The following SUMO2 variants were observed in gnomAD, a reference collection of about 807,000 sequenced individuals.
The protein encoded by SUMO2 is small ubiquitin like modifier 2.
A neutral mutation model predicts 16.0 loss-of-function variants in SUMO2; 1 was observed. That is an observed-to-expected ratio of 0.06 (90% CI 0.02 to 0.30). The LOEUF (loss-of-function observed/expected upper bound fraction) is 0.30, where lower values mean the gene tolerates loss of function less well. Ranked by LOEUF, SUMO2 falls within the 10% of genes least tolerant of loss-of-function variation. SUMO2 has a pLI of 1.00. For synonymous variants in SUMO2, 36 were observed against 40.6 expected (o/e 0.89, Z 0.43); for missense variants, 16 against 117.5 (o/e 0.14, Z 3.99).
intron 3 of SUMO2, among the ~76,000 whole-genome samples, chr17:75,169,874 G>GGA: frequency 6.7e-6 from 1 of 148,404 alleles, no homozygotes; most frequent in South Asian, 2.2e-4. Flanking sequence ...GGTGGGGGGG[G>GGA]GCGGGTGTGG....
At chr17:75,169,169 C>A (rs551500158) in intron 3 of SUMO2, among the ~76,000 whole-genome samples, 1 of 151,982 alleles carries the variant, frequency 6.6e-6, no homozygotes, top group East Asian at 1.9e-4. Context: ...AAGATCAAGG[C>A]TGCAGTGAAC....
At position 75,167,713 on chromosome 17, in the gene SUMO2, A is replaced by G. The variant is rs118066102; in HGVS notation, c.*626T>C. On this transcript the variant is annotated 3_prime_UTR_variant, in exon 4 of 4. Transcript: ENST00000420826. ...CTCAATTTTCTATTTAATATTTCTCAGAATAAAGAAAACAGCTCATTTTAA... is the reference window on the plus strand; with the variant it reads ...CTCAATTTTCTATTTAATATTTCTCGGAATAAAGAAAACAGCTCATTTTAA... 2,399 of 152,818 alleles carry G rather than the reference A, an allele frequency of 0.016. 29 individuals carry two copies. Among genetic ancestry groups the G allele is most frequent in the Non-Finnish European group, 0.026 (1,794 of 68,026 alleles). 9.5% of individuals were successfully genotyped at this position (152,818 alleles called of 1,614,324 possible). A position where few individuals can be genotyped will look rare whatever the true frequency, so the allele number is the denominator to read the frequency against.
intron 3 of SUMO2, among the ~76,000 whole-genome samples, chr17:75,169,376 TA>T (rs200495495): frequency 5.3e-5 from 8 of 150,912 alleles, no homozygotes; most frequent in African/African-American, 2.0e-4. Context: ...CCATCCCTAT[TA>T]AAAAAAAATT....
chr17:75,180,415 A>AAAAAAAACAAAAAAC (rs2074819548), intron 2 of SUMO2, among the ~76,000 whole-genome samples: 1 of 145,182 alleles, frequency 6.9e-6, no homozygotes, highest in African/African-American at 2.5e-5. Context: ...AAAAAAAAAA[A>AAAAAAAACAAAAAAC]AAAAAACGAC....
In SUMO2 at chr17:75,167,761, A is replaced by G. The variant is rs771405975; in HGVS notation, c.*578T>C. 3.2e-5 allele frequency: 5 copies of G among 153,946 alleles called. No homozygotes were observed. Among genetic ancestry groups the G allele is most frequent in the Non-Finnish European group, 7.3e-5 (5 of 68,048 alleles). 9.5% of individuals were successfully genotyped at this position (153,946 alleles called of 1,614,324 possible). On this transcript the variant is annotated 3_prime_UTR_variant, in exon 4 of 4. Coordinates refer to ENST00000420826, the MANE Select transcript of SUMO2 (RefSeq NM_006937.4). ...TAAACAAGAAGTTTATTTAAACAAC[A>G]AGACGCTTGACTTGAAGGGAAAACT... is the stretch of plus-strand genomic sequence containing the variant.
At chr17:75,177,512 G>A (rs973755824) in intron 2 of SUMO2, among the ~76,000 whole-genome samples, 1 of 151,732 alleles carries the variant, frequency 6.6e-6, no homozygotes, top group Non-Finnish European at 1.5e-5. Context: ...GTGAAGCCCC[G>A]TCTCTACTAA....
chr17:75,178,872 T>A (rs1229435627), intron 2 of SUMO2, among the ~76,000 whole-genome samples: 4 of 151,736 alleles, frequency 2.6e-5, no homozygotes, highest in African/African-American at 9.7e-5. Context: ...GAAGAATCGC[T>A]TAAAACTGGA....
At chr17:75,171,557 G>A (rs1298037416) in intron 3 of SUMO2, among the ~76,000 whole-genome samples, 1 of 151,940 alleles carries the variant, frequency 6.6e-6, no homozygotes, top group Non-Finnish European at 1.5e-5. Context: ...CAGGAGGCCT[G>A]CTAAGATGTT....
intron 2 of SUMO2, among the ~76,000 whole-genome samples, 172 bp from the exon 3 acceptor site, chr17:75,174,995 T>G (rs2074770831): frequency 6.6e-6 from 1 of 152,198 alleles, no homozygotes; most frequent in South Asian, 2.1e-4. Flanking sequence ...TTCATTTTCT[T>G]TTTTTTGAGA....
At chr17:75,180,968 G>A in intron 2 of SUMO2, 89 bp downstream of exon 2, 5 of 1,503,026 alleles carry the variant, frequency 3.3e-6, no homozygotes, top group Non-Finnish European at 4.6e-6. Flanking sequence ...AAAAGTCACT[G>A]TAATGTGCTA....
Position 75,165,680 on chromosome 17 carries a change from A to AGTTAT in SUMO2, c.*2658_*2659insATAAC, listed in dbSNP as rs5822071. ...ATACTATCTCTAGTCCCAGTTTTAT[A>AGTTAT]GTCACCGTCTATTTCACAACTTTTC... On this transcript the variant is annotated 3_prime_UTR_variant, in exon 4 of 4. Transcript: ENST00000420826. 1.3e-5 allele frequency: 2 copies of AGTTAT among 152,216 alleles called. No individual in the cohort carries two copies. Among genetic ancestry groups the AGTTAT allele is most frequent in the African/African-American group, 4.8e-5 (2 of 41,446 alleles). The allele number at this position is 152,216 out of a possible 1,614,324, so 9.4% of individuals were successfully genotyped here. A position where few individuals can be genotyped will look rare whatever the true frequency, so the allele number is the denominator to read the frequency against.
At chr17:75,171,971 G>C (rs2074742433) in intron 3 of SUMO2, among the ~76,000 whole-genome samples, 1 of 150,512 alleles carries the variant, frequency 6.6e-6, no homozygotes, top group Non-Finnish European at 1.5e-5. Flanking sequence ...TTTATCAATA[G>C]AATTTAGCTC....
chr17:75,179,691 G>A (rs1338733520), intron 2 of SUMO2, among the ~76,000 whole-genome samples: 4 of 144,294 alleles, frequency 2.8e-5, no homozygotes, highest in East Asian at 2.0e-4. Context: ...AAATGCTCTC[G>A]CTCTGTCACC....
chr17:75,182,802 C>A lies in SUMO2; in HGVS notation c.21+12G>T. On this transcript the variant is annotated intron_variant, in intron 1 of 3. Transcript: ENST00000420826. Reference sequence around the variant, plus strand: ...CCGCGCGGCGAGGCGAAGGGGCCGGCGGCGAGCTCACCTTGGGCTTTTCGT... The same window carrying A: ...CCGCGCGGCGAGGCGAAGGGGCCGGAGGCGAGCTCACCTTGGGCTTTTCGT... The A allele has an allele frequency of 7.2e-7, 1 of 1,381,210 alleles. No homozygotes were observed. Among genetic ancestry groups the A allele is most frequent in the Non-Finnish European group, 9.4e-7 (1 of 1,059,886 alleles). The allele number at this position is 1,381,210 out of a possible 1,614,324, so 85.6% of individuals were successfully genotyped here. A position where few individuals can be genotyped will look rare whatever the true frequency, so the allele number is the denominator to read the frequency against.
chr17:75,178,443 G>A lies in SUMO2; in HGVS notation c.153+2614C>T, dbSNP rs939270794. On this transcript the variant is annotated intron_variant, in intron 2 of 3. Transcript: ENST00000420826. Reference sequence around the variant, plus strand: ...GCAGGAGAATCGCTTGAACCCAGGAGGCAGAGGTTGCAGTGAGCCGAGATG... The same window carrying A: ...GCAGGAGAATCGCTTGAACCCAGGAAGCAGAGGTTGCAGTGAGCCGAGATG... 2.0e-5 allele frequency among the ~76,000 whole-genome samples: 3 copies of A among 150,962 alleles called. No homozygotes were observed. The East Asian group carries it at 5.9e-4, about 30-fold the overall frequency.
At chr17:75,175,181 T>C (rs1365723103) in intron 2 of SUMO2, among the ~76,000 whole-genome samples, 6 of 152,124 alleles carry the variant, frequency 3.9e-5, no homozygotes, top group African/African-American at 1.2e-4. Context: ...CTGGGTTTCA[T>C]CAGGTTGGCC....
chr17:75,171,708 A>G (rs1480316274), intron 3 of SUMO2, among the ~76,000 whole-genome samples: 1 of 152,180 alleles, frequency 6.6e-6, no homozygotes, highest in Non-Finnish European at 1.5e-5. Flanking sequence ...TCACGGATCC[A>G]AACAAATAAC....
Position 75,172,505 on chromosome 17 carries a change from T to G in SUMO2, c.225+2247A>C, listed in dbSNP as rs551679838. ...TGGCTAAATTTTTTTTTTTTTTTTT[T>G]GAGTTTCGCTCGTTACCCATGCTCG... On this transcript the variant is annotated intron_variant, in intron 3 of 3. Transcript: ENST00000420826. 5.7e-3 allele frequency among the ~76,000 whole-genome samples: 824 copies of G among 145,298 alleles called. 13 individuals carry two copies. Among genetic ancestry groups the G allele is most frequent in the South Asian group, 0.052 (240 of 4,642 alleles).
intron 3 of SUMO2, among the ~76,000 whole-genome samples, chr17:75,170,582 AAAAACAAAAAACACC>A (rs1348662991): frequency 6.6e-6 from 1 of 151,804 alleles, no homozygotes. Context: ...AAACAAAAAC[AAAAACAAAAAACACC>A]AAAACAAAAA....
Sources: gnomAD v4.1 joint callset for allele counts (sites outside exome capture counted in the v4.1 genomes callset) on GRCh38, gnomAD v4.1.1 for gene constraint, MANE v1.5 for transcripts, NCBI Gene and HGNC (gene_info 2026-07-23, HGNC 2026-07-21) for gene names.